The following ICOS variants were observed in gnomAD, a reference collection of about 807,000 sequenced individuals.
ICOS encodes inducible T-cell costimulator.
A neutral mutation model predicts 24.6 loss-of-function variants in ICOS; 15 were observed. The observed-to-expected ratio is 0.61, with a 90% CI of 0.41 to 0.94. ICOS has a LOEUF of 0.94. Ranked by LOEUF, ICOS falls within the 40% of genes least tolerant of loss-of-function variation. ICOS has a pLI of 0.00. For synonymous variants in ICOS, 89 were observed against 77.5 expected (o/e 1.15, Z -0.78); for missense variants, 200 against 233.0 (o/e 0.86, Z 0.92).
chr2:203,960,043 G>A lies in ICOS; in HGVS notation c.*444G>A, dbSNP rs1026169950. The A allele has an allele frequency of 3.0e-5, 9 of 300,074 alleles. No individual in the cohort carries two copies. The highest frequency in any genetic ancestry group is 5.8e-5 in the Non-Finnish European group (9 of 153,978). 18.6% of individuals were successfully genotyped at this position (300,074 alleles called of 1,614,324 possible). ...CTACCTCTTCTTTCTGTAGGGATGA[G>A]AATTCCTCTTTTAATCAGTCAAGGG... On this transcript the variant is annotated 3_prime_UTR_variant, in exon 5 of 5. Transcript: ENST00000316386.
At chr2:203,953,181 G>A (rs1581605171) in intron 1 of ICOS, among the ~76,000 whole-genome samples, 2 of 152,146 alleles carry the variant, frequency 1.3e-5, no homozygotes, top group East Asian at 3.9e-4. Flanking sequence ...ATTGGGGAGA[G>A]GGTTTTCTGC....
At chr2:203,955,605 C>T (rs748491462) in intron 1 of ICOS, 31 bp from the exon 2 acceptor site, 1 of 1,544,638 alleles carries the variant, frequency 6.5e-7, no homozygotes, top group Non-Finnish European at 8.9e-7. Context: ...TAAAATGTCA[C>T]TTTTGCTTTG....
chr2:203,954,372 G>A (rs1323312593), intron 1 of ICOS, among the ~76,000 whole-genome samples: 1 of 152,128 alleles, frequency 6.6e-6, no homozygotes, highest in Non-Finnish European at 1.5e-5. Flanking sequence ...GATTGCTTGA[G>A]GCCAGGAGTT....
intron 4 of ICOS, 119 bp from the exon 5 acceptor site, chr2:203,959,467 T>C: frequency 1.3e-6 from 1 of 798,890 alleles, no homozygotes; most frequent in Admixed American, 1.8e-5. Context: ...TGTGTGTGTG[T>C]GTGTGTGTGT....
chr2:203,941,476 G>A (rs1322517982), intron 1 of ICOS, among the ~76,000 whole-genome samples: 1 of 151,958 alleles, frequency 6.6e-6, no homozygotes, highest in Non-Finnish European at 1.5e-5. Flanking sequence ...GCATTATTTG[G>A]CTTAAAAAAA....
chr2:203,936,778 C>T lies in ICOS; in HGVS notation c.-37C>T. 1 of 1,561,254 alleles carries T rather than the reference C, an allele frequency of 6.4e-7. No homozygotes were observed. Among genetic ancestry groups the T allele is most frequent in the Non-Finnish European group, 8.8e-7 (1 of 1,132,014 alleles). The stretch of plus-strand genomic sequence containing the variant: ...GCCTGAATTCACTGTCAGCTTTGAA[C>T]ACTGAACGCGAGGACTGTTAACTGT... On this transcript the variant is annotated 5_prime_UTR_variant, in exon 1 of 5. Transcript: ENST00000316386.
At position 203,960,260 on chromosome 2, in the gene ICOS, C is replaced by G. The variant is rs1690154492; in HGVS notation, c.*661C>G. Reference sequence around the variant, plus strand: ...TGACTGCTTGACAGCCCAACAGCCACTCTCAATAGAGAGCTATGTCTTACA... The same window carrying G: ...TGACTGCTTGACAGCCCAACAGCCAGTCTCAATAGAGAGCTATGTCTTACA... On this transcript the variant is annotated 3_prime_UTR_variant, in exon 5 of 5. Coordinates refer to ENST00000316386, the MANE Select transcript of ICOS (RefSeq NM_012092.4). 1 of 159,310 alleles carries G rather than the reference C, an allele frequency of 6.3e-6. No individual in the cohort carries two copies. The highest frequency in any genetic ancestry group is 2.4e-5 in the African/African-American group (1 of 41,492). The allele number at this position is 159,310 out of a possible 1,614,324, so 9.9% of individuals were successfully genotyped here.
At chr2:203,938,912 C>T (rs1339637699) in intron 1 of ICOS, among the ~76,000 whole-genome samples, 2 of 152,172 alleles carry the variant, frequency 1.3e-5, no homozygotes, top group South Asian at 2.1e-4. Context: ...AACAATAAAT[C>T]TGCTAGCAAT....
intron 1 of ICOS, among the ~76,000 whole-genome samples, chr2:203,943,955 C>T (rs914913968): frequency 2.6e-5 from 4 of 152,140 alleles, no homozygotes; most frequent in African/African-American, 9.7e-5. Context: ...TCATCCAGAT[C>T]CCATGCAAAC....
Position 203,955,705 on chromosome 2 carries a change from A to G in ICOS, c.128A>G (p.Lys43Arg), listed in dbSNP as rs1367837109. The G allele has an allele frequency of 1.9e-6, 3 of 1,613,734 alleles. No individual in the cohort carries two copies. The highest frequency in any genetic ancestry group is 2.5e-6 in the Non-Finnish European group (3 of 1,179,692). The change falls in exon 2 of 5, where the codon AAA becomes AGA. Residue 43 changes from lysine (K) to arginine (R), a missense_variant. Coordinates refer to ENST00000316386, the MANE Select transcript of ICOS (RefSeq NM_012092.4). ...AACGGAGGTGTACAAATTTTATGCA[A>G]ATATCCTGACATTGTCCAGCAATTT... is the stretch of plus-strand genomic sequence containing the variant. ...FHNGGVQILC[K>R]YPDIVQQFKM...
intron 1 of ICOS, among the ~76,000 whole-genome samples, chr2:203,949,878 T>C (rs899009676): frequency 1.3e-5 from 2 of 152,228 alleles, no homozygotes; most frequent in African/African-American, 4.8e-5. Context: ...AGGCTGAGTA[T>C]TAGACTTGGA....
chr2:203,946,318 A>G (rs1343368452), intron 1 of ICOS, among the ~76,000 whole-genome samples: 1 of 151,970 alleles, frequency 6.6e-6, no homozygotes, highest in Non-Finnish European at 1.5e-5. Flanking sequence ...TGTACCCCCT[A>G]TGGAGTTCCT....
At position 203,958,928 on chromosome 2, in the gene ICOS, A is replaced by G. The variant is rs74454435; in HGVS notation, c.587-658A>G. Among the ~76,000 whole-genome samples the G allele has an allele frequency of 4.0e-3, 606 of 152,256 alleles. 6 individuals are homozygous for G. The Middle Eastern group carries it at 0.058, about 15-fold the overall frequency. ...ATAAGGACTTGGGTGCAAGTAGTTT[A>G]TTTGGGAGGTGATCCCAGGAAGAAG... is the stretch of plus-strand genomic sequence containing the variant. On this transcript the variant is annotated intron_variant, in intron 4 of 4. Coordinates refer to ENST00000316386, the MANE Select transcript of ICOS (RefSeq NM_012092.4).
At chr2:203,937,178 A>C (rs982488694) in intron 1 of ICOS, among the ~76,000 whole-genome samples, 3 of 152,212 alleles carry the variant, frequency 2.0e-5, no homozygotes, top group Non-Finnish European at 2.9e-5. Context: ...TACTGTTCTT[A>C]GAGAAAGATG....
intron 1 of ICOS, among the ~76,000 whole-genome samples, chr2:203,950,208 G>T (rs1294396526): frequency 6.6e-6 from 1 of 152,232 alleles, no homozygotes; most frequent in Non-Finnish European, 1.5e-5. Flanking sequence ...AGGGGCCTAG[G>T]TCTAGGCTGA....
intron 2 of ICOS, 142 bp from the exon 3 acceptor site, chr2:203,956,517 A>T (rs1690080300): frequency 1.5e-6 from 1 of 687,146 alleles, no homozygotes; most frequent in Admixed American, 2.1e-5. Context: ...AGATGATGTT[A>T]GTCTAATAAC....
chr2:203,936,931 A>T, intron 1 of ICOS, 59 bp downstream of exon 1: 1 of 1,338,940 alleles, frequency 7.5e-7, no homozygotes, highest in South Asian at 1.2e-5. Flanking sequence ...ATTAAGAAAA[A>T]GCAAAGGTAG....
At chr2:203,951,086 T>C (rs1581604210) in intron 1 of ICOS, among the ~76,000 whole-genome samples, 1 of 150,910 alleles carries the variant, frequency 6.6e-6, no homozygotes, top group East Asian at 1.9e-4. Flanking sequence ...GAGTGTCCAA[T>C]AGAAATGACA....
intron 1 of ICOS, among the ~76,000 whole-genome samples, chr2:203,940,470 C>A (rs190349769): frequency 9.2e-5 from 14 of 152,002 alleles, no homozygotes; most frequent in Admixed American, 8.5e-4. Flanking sequence ...CGTTAAATAC[C>A]CCCAACTCTC....
Sources: allele counts gnomAD v4.1 joint callset (sites outside exome capture counted in the v4.1 genomes callset), GRCh38; gene constraint gnomAD v4.1.1; transcripts MANE v1.5; gene names NCBI Gene and HGNC (gene_info 2026-07-23, HGNC 2026-07-21).